Variants in C11orf65 observed in about 807,000 individuals in gnomAD.
The protein encoded by C11orf65 is protein MFI.
Under a neutral mutation model 35.3 loss-of-function variants are expected in C11orf65, and 38 were observed. That is an observed-to-expected ratio of 1.08 (90% CI 0.83 to 1.41). The LOEUF is 1.41. Ranked by LOEUF, C11orf65 falls within the 40% of genes most tolerant of loss-of-function variation. The pLI is 0.00. For missense variants in C11orf65, 370 were observed against 367.1 expected, an observed-to-expected ratio of 1.01 and a Z score of -0.06; for synonymous variants, 105 against 114.4, an observed-to-expected ratio of 0.92 and a Z score of 0.53.
rs1476881353 is a variant in C11orf65 at position 108,365,120 on chromosome 11, T to A, written c.226+28088A>T. 1 of 1,614,076 alleles carries A rather than the reference T, an allele frequency of 6.2e-7. No homozygotes were observed. The highest frequency in any genetic ancestry group is 1.3e-5 in the African/African-American group (1 of 74,934). ...ATCCACTCTTTGACTGGACCATGAATCCTTTGAAAGCTTTGTATTTACAGC... is the reference window on the plus strand; with the variant it reads ...ATCCACTCTTTGACTGGACCATGAAACCTTTGAAAGCTTTGTATTTACAGC... On this transcript the variant is annotated intron_variant, in intron 2 of 3. Coordinates refer to the C11orf65 transcript ENST00000524755.
intron 2 of C11orf65, among the ~76,000 whole-genome samples, chr11:108,439,238 T>C (rs2093113273): frequency 6.6e-6 from 1 of 152,132 alleles, no homozygotes; most frequent in Non-Finnish European, 1.5e-5. Context: ...AGATGATCAA[T>C]ATCACTAGTC....
At chr11:108,321,258 C>T (rs2085185049) in intron 6 of C11orf65, 2 of 1,611,464 alleles carry the variant, frequency 1.2e-6, no homozygotes, top group Admixed American at 1.7e-5. Flanking sequence ...TCCCTGAAAA[C>T]CTCTTCTTTA....
At chr11:108,354,070 AACACACACACAC>A (rs71047689) in intron 2 of C11orf65, among the ~76,000 whole-genome samples, 267 of 114,948 alleles carry the variant, frequency 2.3e-3, no homozygotes, top group African/African-American at 7.2e-3. Flanking sequence ...CACACACACA[AACACACACACAC>A]ACACACACAC....
chr11:108,402,860 T>A (rs2092463788), intron 6 of C11orf65, among the ~76,000 whole-genome samples: 1 of 152,190 alleles, frequency 6.6e-6, no homozygotes, highest in African/African-American at 2.4e-5. Context: ...ATAGATTTAT[T>A]TCATTCGGCA....
intron 2 of C11orf65, among the ~76,000 whole-genome samples, chr11:108,359,375 T>C (rs2090430442): frequency 6.6e-6 from 1 of 152,012 alleles, no homozygotes; most frequent in Non-Finnish European, 1.5e-5. Flanking sequence ...CTGTCAACAT[T>C]AGACAGATCA....
At chr11:108,374,744 AT>A (rs1246665610) in intron 2 of C11orf65, among the ~76,000 whole-genome samples, 6 of 152,200 alleles carry the variant, frequency 3.9e-5, no homozygotes, top group African/African-American at 1.2e-4. Flanking sequence ...TTTGAAAAAA[AT>A]TTAGACAAAT....
At position 108,461,533 on chromosome 11, in the gene C11orf65, A is replaced by T. The variant is rs1400096647; in HGVS notation, c.27T>A (p.Phe9Leu). MPWKEESE[F>L]TKQDKAARVI... ...CTCTGGCAGCCTTATCCTGCTTTGT[A>T]AATTCTGATTCCTCTTTCCAAGGCA... is the stretch of plus-strand genomic sequence containing the variant. The change falls in exon 2 of 9, where the codon TTT becomes TTA. Residue 9 changes from phenylalanine (F) to leucine (L), a missense_variant. By Grantham distance (22) the Phe-to-Leu change is conservative. Transcript: ENST00000393084. The T allele has an allele frequency of 6.2e-7, 1 of 1,609,484 alleles. No homozygotes were observed. The highest frequency in any genetic ancestry group is 2.2e-5 in the East Asian group (1 of 44,596).
intron 6 of C11orf65, chr11:108,325,933 A>G: frequency 8.3e-7 from 1 of 1,203,824 alleles, no homozygotes; most frequent in Admixed American, 2.0e-5. Context: ...GAGGTCCTTA[A>G]GATAGTCCCT....
At chr11:108,358,571 A>G (rs1370000004) in intron 2 of C11orf65, among the ~76,000 whole-genome samples, 15 of 124,044 alleles carry the variant, frequency 1.2e-4, no homozygotes, top group Non-Finnish European at 2.4e-4. Flanking sequence ...CTCAAAGGGA[A>G]GCCCATCAGA....
chr11:108,438,273 G>A (rs990300220), intron 2 of C11orf65, among the ~76,000 whole-genome samples: 10 of 152,096 alleles, frequency 6.6e-5, no homozygotes, highest in African/African-American at 2.4e-4. Flanking sequence ...AGATTTAGGT[G>A]GCATGCAGTG....
chr11:108,403,820 T>C (rs1591477985), intron 6 of C11orf65, among the ~76,000 whole-genome samples: 1 of 152,208 alleles, frequency 6.6e-6, no homozygotes, highest in African/African-American at 2.4e-5. Context: ...GGGGTTTATT[T>C]ATTTATTTTT....
At chr11:108,335,346 A>G (rs747763721) in intron 2 of C11orf65, 198 of 1,247,696 alleles carry the variant, frequency 1.6e-4, no homozygotes, top group Non-Finnish European at 2.1e-4. Context: ...TACCATTAAC[A>G]TGTACAGACA....
At chr11:108,403,193 C>T (rs1218455235) in intron 6 of C11orf65, among the ~76,000 whole-genome samples, 1 of 152,126 alleles carries the variant, frequency 6.6e-6, no homozygotes, top group Non-Finnish European at 1.5e-5. Flanking sequence ...TTCTAATTTG[C>T]ATTTGCTCCA....
intron 2 of C11orf65, among the ~76,000 whole-genome samples, chr11:108,348,837 A>G (rs1440709677): frequency 2.6e-5 from 4 of 152,222 alleles, no homozygotes; most frequent in African/African-American, 9.6e-5. Context: ...TCTCTTCTGC[A>G]TAAGTTATAA....
At chr11:108,441,692 G>C (rs1173655760) in intron 2 of C11orf65, among the ~76,000 whole-genome samples, 1 of 152,240 alleles carries the variant, frequency 6.6e-6, no homozygotes, top group African/African-American at 2.4e-5. Context: ...GCCTCCGCTG[G>C]TGATACCCAG....
At chr11:108,400,578 A>G (rs894948134) in intron 6 of C11orf65, among the ~76,000 whole-genome samples, 9 of 152,180 alleles carry the variant, frequency 5.9e-5, no homozygotes, top group African/African-American at 2.2e-4. Context: ...TTGGGATGGG[A>G]AAGAACACAT....
intron 2 of C11orf65, among the ~76,000 whole-genome samples, chr11:108,340,573 ACTT>A (rs1355012848): frequency 6.6e-6 from 1 of 152,150 alleles, no homozygotes; most frequent in Non-Finnish European, 1.5e-5. Flanking sequence ...TTACCACCCT[ACTT>A]CTGCAGTCAC....
At chr11:108,467,867 G>A (rs569082186), upstream of C11orf65, among the ~76,000 whole-genome samples, 16 of 152,214 alleles carry the variant, frequency 1.1e-4, no homozygotes, top group South Asian at 1.2e-3. Flanking sequence ...ATCTGTGGCC[G>A]AGGCTGGAGT....
chr11:108,348,424 A>C (rs1002775292), intron 2 of C11orf65, among the ~76,000 whole-genome samples: 2 of 151,070 alleles, frequency 1.3e-5, no homozygotes, highest in South Asian at 4.2e-4. Context: ...TAGACAGTTT[A>C]ATATATAAGA....
Sources: gnomAD v4.1 joint callset for allele counts (sites outside exome capture counted in the v4.1 genomes callset) on GRCh38, gnomAD v4.1.1 for gene constraint, MANE v1.5 for transcripts, NCBI Gene and HGNC (gene_info 2026-07-23, HGNC 2026-07-21) for gene names.